Variants in C12orf43 observed in about 807,000 individuals in gnomAD.
C12orf43 encodes protein CUSTOS.
In C12orf43, 15 loss-of-function variants were observed where a neutral mutation model predicts 20.6. That is an observed-to-expected ratio of 0.73 (90% CI 0.49 to 1.12). The LOEUF is 1.12. Ranked by LOEUF, C12orf43 falls within the 50% of genes most tolerant of loss-of-function variation. The probability of loss-of-function intolerance (pLI) is 0.00; values close to 1 mark genes in which losing one functional copy is unlikely to be tolerated. For synonymous variants in C12orf43, 144 were observed against 130.8 expected, an observed-to-expected ratio of 1.10 and a Z score of -0.69; for missense variants, 334 against 344.4, an observed-to-expected ratio of 0.97 and a Z score of 0.24.
intron 1 of C12orf43, 137 bp downstream of exon 1, chr12:121,016,193 G>C: frequency 7.5e-7 from 1 of 1,324,952 alleles, no homozygotes; most frequent in Non-Finnish European, 1.1e-6. Flanking sequence ...CTTTCAATCT[G>C]CACTACACCC....
rs1315666140 is a variant in C12orf43, at chr12:121,001,772, G to A, written c.*2381C>T. 9.3e-6 allele frequency: 5 copies of A among 535,974 alleles called. No homozygotes were observed. Among genetic ancestry groups the A allele is most frequent in the South Asian group, 1.5e-5 (1 of 65,122 alleles). The allele number at this position is 535,974 out of a possible 1,614,324, so 33.2% of individuals were successfully genotyped here. A position where few individuals can be genotyped will look rare whatever the true frequency, so the allele number is the denominator to read the frequency against. On this transcript the variant is annotated 3_prime_UTR_variant, in exon 6 of 6. Coordinates refer to ENST00000288757, the MANE Select transcript of C12orf43 (RefSeq NM_022895.3). ...CAGGCATTTCCTGGGTGGCTACTCT[G>A]TGCCAGAGCCTGGGGCTCTAACGCC...
rs1877554976 is a variant in C12orf43, at chr12:121,002,341, T to G, written c.*1812A>C. On this transcript the variant is annotated 3_prime_UTR_variant, in exon 6 of 6. Coordinates refer to ENST00000288757, the MANE Select transcript of C12orf43 (RefSeq NM_022895.3). ...GCCTGTGAACCCAGGACAAGCATGG[T>G]CCCACATCCCTGGGCCTGCTGCTGA... is the stretch of plus-strand genomic sequence containing the variant. The G allele has an allele frequency of 2.1e-6, 1 of 471,436 alleles. No individual in the cohort carries two copies. Among genetic ancestry groups the G allele is most frequent in the Non-Finnish European group, 4.0e-6 (1 of 246,920 alleles). 29.2% of individuals were successfully genotyped at this position (471,436 alleles called of 1,614,324 possible).
At position 121,003,984 on chromosome 12, in the gene C12orf43, C is replaced by G. The variant is rs1877742613; in HGVS notation, c.*169G>C. On this transcript the variant is annotated 3_prime_UTR_variant, in exon 6 of 6. Coordinates refer to ENST00000288757, the MANE Select transcript of C12orf43 (RefSeq NM_022895.3). ...TCACCCTACAGCCACTTTTTTGGCC[C>G]AACTCTCGAGCAAGCCTTCATCACC... 1.3e-6 allele frequency: 1 copy of G among 744,080 alleles called. No individual in the cohort carries two copies. Among genetic ancestry groups the G allele is most frequent in the Non-Finnish European group, 2.2e-6 (1 of 448,674 alleles). 46.1% of individuals were successfully genotyped at this position (744,080 alleles called of 1,614,324 possible).
At position 121,001,716 on chromosome 12, in the gene C12orf43, C is replaced by T; in HGVS notation, c.*2437G>A. On this transcript the variant is annotated 3_prime_UTR_variant, in exon 6 of 6. Coordinates refer to ENST00000288757, the MANE Select transcript of C12orf43 (RefSeq NM_022895.3). ...CTCCTTCCAGCTAGTGACCCACATG[C>T]CATTTGTACTGACCCCATCACCTAC... The T allele has an allele frequency of 2.0e-6, 1 of 509,314 alleles. No homozygotes were observed. The highest frequency in any genetic ancestry group is 3.8e-6 in the Non-Finnish European group (1 of 263,260). The allele number at this position is 509,314 out of a possible 1,614,324, so 31.5% of individuals were successfully genotyped here.
intron 1 of C12orf43, among the ~76,000 whole-genome samples, chr12:121,013,651 G>A (rs1182148124): frequency 6.6e-6 from 1 of 152,184 alleles, no homozygotes; most frequent in Non-Finnish European, 1.5e-5. Flanking sequence ...TTTGAGTGAC[G>A]AGTTCATCAC....
rs2135855316 is a variant in C12orf43 at position 121,001,333 on chromosome 12, T to G, written c.*2820A>C. 1 of 1,059,304 alleles carries G rather than the reference T, an allele frequency of 9.4e-7. No individual in the cohort carries two copies. Among genetic ancestry groups the G allele is most frequent in the East Asian group, 2.6e-5 (1 of 38,492 alleles). 65.6% of individuals were successfully genotyped at this position (1,059,304 alleles called of 1,614,324 possible). ...CTGTGCCTCGCTCCCCACTCTGCTC[T>G]GATGCATCAGAAAGGGAGGGCTCTG... On this transcript the variant is annotated 3_prime_UTR_variant, in exon 6 of 6. Transcript: ENST00000288757.
intron 1 of C12orf43, 161 bp downstream of exon 1, chr12:121,016,169 T>C: frequency 9.2e-7 from 1 of 1,082,940 alleles, no homozygotes; most frequent in Non-Finnish European, 1.4e-6. Context: ...CCCTCCCTAC[T>C]GCACCTGCCC....
Position 121,004,055 on chromosome 12 carries a change from A to C in C12orf43, c.*98T>G, listed in dbSNP as rs755847097. 43 of 1,351,156 alleles carry C rather than the reference A, an allele frequency of 3.2e-5. No homozygotes were observed. The East Asian group carries it at 9.6e-4, about 30-fold the overall frequency. 83.7% of individuals were successfully genotyped at this position (1,351,156 alleles called of 1,614,324 possible). A position where few individuals can be genotyped will look rare whatever the true frequency, so the allele number is the denominator to read the frequency against. On this transcript the variant is annotated 3_prime_UTR_variant, in exon 6 of 6. Coordinates refer to ENST00000288757, the MANE Select transcript of C12orf43 (RefSeq NM_022895.3). The surrounding 1 kb of genome is among the most constrained non-coding windows in gnomAD (Gnocchi z 5.6). ...CTGGGTTTGCCAGCCCAGTCCTTGA[A>C]CTTGGAGAGGGAGGTGGGGCTTGGA... is the stretch of plus-strand genomic sequence containing the variant.
Position 121,016,373 on chromosome 12 carries a change from C to T in C12orf43, c.102G>A (p.Trp34Ter), listed in dbSNP as rs1256217931. The T allele has an allele frequency of 6.2e-7, 1 of 1,613,892 alleles. No homozygotes were observed. Among genetic ancestry groups the T allele is most frequent in the East Asian group, 2.2e-5 (1 of 44,890 alleles). Residue 34 changes from tryptophan to a stop codon, truncating the protein, a stop_gained, in exon 1 of 6, where the codon TGG becomes TGA. Coordinates refer to ENST00000288757, the MANE Select transcript of C12orf43 (RefSeq NM_022895.3). LOFTEE classifies it high-confidence loss of function. ...CCACGTGCGGGCGTTGCTCCAAGCC[C>T]CAAGCCGGCATTGCCGCCTCGCGGC... ...ERCREAAMPA[W>*]GLEQRPHVAG...
At position 121,005,186 on chromosome 12, in the gene C12orf43, T is replaced by C. The variant is rs543754635; in HGVS notation, c.362-93A>G. The C allele has an allele frequency of 9.9e-6, 7 of 704,874 alleles. No individual in the cohort carries two copies. Among genetic ancestry groups the C allele is most frequent in the African/African-American group, 2.0e-5 (1 of 49,950 alleles). 43.7% of individuals were successfully genotyped at this position (704,874 alleles called of 1,614,324 possible). A position where few individuals can be genotyped will look rare whatever the true frequency, so the allele number is the denominator to read the frequency against. On this transcript the variant is annotated intron_variant, in intron 4 of 5. Transcript: ENST00000288757. The surrounding 1 kb of genome is among the most constrained non-coding windows in gnomAD (Gnocchi z 5.6). ...AATAAAGAAACAAAAAAGAAAAAAA[T>C]TTTAAAAAGGAAAACGAAAGAAAGA...
At chr12:121,009,904 C>T (rs752817982) in intron 3 of C12orf43, among the ~76,000 whole-genome samples, 3 of 152,216 alleles carry the variant, frequency 2.0e-5, no homozygotes, top group Non-Finnish European at 4.4e-5. Flanking sequence ...ACAGAAGGCA[C>T]CCAAGAAATA....
At chr12:121,009,904 C>A (rs752817982) in intron 3 of C12orf43, among the ~76,000 whole-genome samples, 2 of 152,216 alleles carry the variant, frequency 1.3e-5, no homozygotes, top group Non-Finnish European at 2.9e-5. Flanking sequence ...ACAGAAGGCA[C>A]CCAAGAAATA....
Position 121,000,944 on chromosome 12 carries a change from T to G in C12orf43, c.*3209A>C. 7.3e-7 allele frequency: 1 copy of G among 1,379,170 alleles called. No homozygotes were observed. The highest frequency in any genetic ancestry group is 1.2e-5 in the South Asian group (1 of 84,258). The allele number at this position is 1,379,170 out of a possible 1,614,324, so 85.4% of individuals were successfully genotyped here. A position where few individuals can be genotyped will look rare whatever the true frequency, so the allele number is the denominator to read the frequency against. On this transcript the variant is annotated 3_prime_UTR_variant, in exon 6 of 6. Coordinates refer to ENST00000288757, the MANE Select transcript of C12orf43 (RefSeq NM_022895.3). ...TAGAGGTGTGACTTTGGGGTTCCTG[T>G]TATCTGCTGTGATCCAGGAGGTGTG...
chr12:121,001,951 C>A lies in C12orf43; in HGVS notation c.*2202G>T. The A allele has an allele frequency of 3.8e-6, 2 of 529,546 alleles. No homozygotes were observed. Among genetic ancestry groups the A allele is most frequent in the South Asian group, 1.6e-5 (1 of 64,140 alleles). 32.8% of individuals were successfully genotyped at this position (529,546 alleles called of 1,614,324 possible). A position where few individuals can be genotyped will look rare whatever the true frequency, so the allele number is the denominator to read the frequency against. On this transcript the variant is annotated 3_prime_UTR_variant, in exon 6 of 6. Transcript: ENST00000288757. ...CCTCTGAGGCCAGCCTGGCCTCCTGCCTCTACTGGGAAGGCTACTTCGGGG... is the reference window on the plus strand; with the variant it reads ...CCTCTGAGGCCAGCCTGGCCTCCTGACTCTACTGGGAAGGCTACTTCGGGG...
rs1877971831 is a variant in C12orf43 at position 121,005,880 on chromosome 12, AGACCAGCC to A, written c.361+433_361+440del. The A allele has an allele frequency of 5.9e-6, 1 of 169,688 alleles. No homozygotes were observed. Among genetic ancestry groups the A allele is most frequent in the African/African-American group, 2.4e-5 (1 of 41,600 alleles). 10.5% of individuals were successfully genotyped at this position (169,688 alleles called of 1,614,324 possible). A position where few individuals can be genotyped will look rare whatever the true frequency, so the allele number is the denominator to read the frequency against. On this transcript the variant is annotated intron_variant, in intron 4 of 5. Transcript: ENST00000288757. This position sits in a 1 kb window ranked among gnomAD's most constrained non-coding sequence, Gnocchi z 5.6. ...AGGATAGCTTGAGGCCAGGAGTTTA[AGACCAGCC>A]TGGGCAACATGACAGAACCCTGTCT...
rs112269971 is a variant in C12orf43, at chr12:121,006,794, G to C, written c.288-400C>G. 1.0e-3 allele frequency: 173 copies of C among 169,450 alleles called. 1 individual carries two copies. Among genetic ancestry groups the C allele is most frequent in the Admixed American group, 9.2e-3 (153 of 16,698 alleles). 10.5% of individuals were successfully genotyped at this position (169,450 alleles called of 1,614,324 possible). The stretch of plus-strand genomic sequence containing the variant: ...CTACTAAAAATACAAAAAATTAGCC[G>C]GGCATGGTGGCGGGCGCCTGTAGTC... On this transcript the variant is annotated intron_variant, in intron 3 of 5. Coordinates refer to ENST00000288757, the MANE Select transcript of C12orf43 (RefSeq NM_022895.3).
chr12:121,010,289 AGAGT>A (rs1404646655), intron 3 of C12orf43, among the ~76,000 whole-genome samples: 5 of 152,248 alleles, frequency 3.3e-5, no homozygotes, highest in Admixed American at 1.3e-4. Context: ...CATGGGCGAC[AGAGT>A]GAGACTCTGT....
intron 3 of C12orf43, among the ~76,000 whole-genome samples, chr12:121,010,452 GC>G (rs1256513795): frequency 1.3e-5 from 2 of 152,182 alleles, no homozygotes; most frequent in Non-Finnish European, 2.9e-5. Context: ...GCCTCTCTGA[GC>G]CTCAGTTACC....
Position 121,001,204 on chromosome 12 carries a change from G to A in C12orf43, c.*2949C>T. 1 of 1,613,692 alleles carries A rather than the reference G, an allele frequency of 6.2e-7. No homozygotes were observed. Among genetic ancestry groups the A allele is most frequent in the South Asian group, 1.1e-5 (1 of 91,044 alleles). On this transcript the variant is annotated 3_prime_UTR_variant, in exon 6 of 6. Coordinates refer to ENST00000288757, the MANE Select transcript of C12orf43 (RefSeq NM_022895.3). ...CTTCCTCCCAGTAACCACGGCACCT[G>A]GGCCCTGGGGCCTGTACTGCCTGCT...
Sources: allele counts gnomAD v4.1 joint callset (sites outside exome capture counted in the v4.1 genomes callset), GRCh38; gene constraint gnomAD v4.1.1; non-coding constraint Gnocchi (gnomAD v3.1); transcripts MANE v1.5; gene names NCBI Gene and HGNC (gene_info 2026-07-23, HGNC 2026-07-21).